The following TAF3 variants were observed in gnomAD, a reference collection of about 807,000 sequenced individuals.
TAF3 encodes the protein TATA-box binding protein associated factor 3.
TAF3 carries 7 observed loss-of-function variants against 80.6 expected under a neutral mutation model. That is an observed-to-expected ratio of 0.09 (90% CI 0.05 to 0.16). The LOEUF (loss-of-function observed/expected upper bound fraction) is 0.16. Among genes scored for constraint, TAF3 ranks in the 10% least tolerant of loss-of-function variants. TAF3 has a pLI of 1.00. For synonymous variants in TAF3, 444 were observed against 446.1 expected, an observed-to-expected ratio of 1.00 and a Z score of 0.06; for missense variants, 921 against 1,140.2, an observed-to-expected ratio of 0.81 and a Z score of 2.77.
chr10:7,820,931 C>T (rs763555155), intron 1 of TAF3, among the ~76,000 whole-genome samples: 1 of 152,148 alleles, frequency 6.6e-6, no homozygotes, highest in Non-Finnish European at 1.5e-5. Context: ...TTGAGTATAC[C>T]GTTAGTGATA....
chr10:7,879,299 C>T (rs1435800410), intron 2 of TAF3, among the ~76,000 whole-genome samples: 1 of 151,992 alleles, frequency 6.6e-6, no homozygotes. Flanking sequence ...TACAAACTTA[C>T]CTATGAAAGA....
At chr10:7,967,290 G>A (rs1014628937) in intron 3 of TAF3, among the ~76,000 whole-genome samples, 8 of 152,216 alleles carry the variant, frequency 5.3e-5, no homozygotes, top group African/African-American at 1.7e-4. Flanking sequence ...ACAGGGGACT[G>A]TTCCTGTCAC....
At chr10:7,994,050 C>A (rs755199184) in intron 4 of TAF3, among the ~76,000 whole-genome samples, 1 of 141,296 alleles carries the variant, frequency 7.1e-6, no homozygotes, top group Non-Finnish European at 1.5e-5. Flanking sequence ...TCTCTGCTCC[C>A]CCTACCCCTT....
intron 2 of TAF3, among the ~76,000 whole-genome samples, chr10:7,847,215 C>T (rs1045797702): frequency 1.3e-5 from 2 of 152,088 alleles, no homozygotes; most frequent in Non-Finnish European, 2.9e-5. Context: ...AAGAAAATTC[C>T]TCTAGGATGA....
chr10:7,991,161 A>G (rs1437218469), intron 4 of TAF3, among the ~76,000 whole-genome samples: 2 of 152,124 alleles, frequency 1.3e-5, no homozygotes, highest in Non-Finnish European at 2.9e-5. Context: ...TTATGTACAT[A>G]GATACATACA....
chr10:7,974,157 C>G (rs1588572782), intron 3 of TAF3, among the ~76,000 whole-genome samples: 1 of 151,640 alleles, frequency 6.6e-6, no homozygotes, highest in Non-Finnish European at 1.5e-5. Flanking sequence ...CACACACACA[C>G]ACACACACAC....
intron 4 of TAF3, among the ~76,000 whole-genome samples, chr10:7,982,095 G>A (rs1831732051): frequency 6.6e-6 from 1 of 152,112 alleles, no homozygotes; most frequent in East Asian, 1.9e-4. Flanking sequence ...AGTGAAGCTT[G>A]CAGTGGTATT....
At chr10:7,902,987 G>A (rs953189309) in intron 2 of TAF3, among the ~76,000 whole-genome samples, 6 of 152,034 alleles carry the variant, frequency 3.9e-5, no homozygotes, top group African/African-American at 9.7e-5. Flanking sequence ...TTGGGAAGCC[G>A]AGGTAGGAGG....
Position 7,953,570 on chromosome 10 carries a change from T to TAA in TAF3, c.410-10349_410-10348insAA, listed in dbSNP as rs545764680. Among the ~76,000 whole-genome samples, 581 of 152,332 alleles carry TAA rather than the reference T, an allele frequency of 3.8e-3. 1 individual carries two copies. Among genetic ancestry groups the TAA allele is most frequent in the African/African-American group, 0.013 (541 of 41,570 alleles). On this transcript the variant is annotated intron_variant, in intron 2 of 6. Coordinates refer to ENST00000344293, the MANE Select transcript of TAF3 (RefSeq NM_031923.4). Reference sequence around the variant, plus strand: ...AACCGATCCCAGGTGTCATTTCAGTTAGGTTCCCTGCCCAGCCAACATTTC... The same window carrying TAA: ...AACCGATCCCAGGTGTCATTTCAGTTAAAGGTTCCCTGCCCAGCCAACATTTC...
chr10:7,950,414 C>T (rs1838071243), intron 2 of TAF3, among the ~76,000 whole-genome samples: 1 of 152,136 alleles, frequency 6.6e-6, no homozygotes, highest in South Asian at 2.1e-4. Context: ...AAGTTCCTCA[C>T]GTGGCTAGTT....
At chr10:7,905,916 T>G (rs1474537644) in intron 2 of TAF3, among the ~76,000 whole-genome samples, 2 of 152,294 alleles carry the variant, frequency 1.3e-5, no homozygotes, top group Non-Finnish European at 2.9e-5. Flanking sequence ...TTCTGCTTTA[T>G]GTATTTGTAC....
intron 4 of TAF3, among the ~76,000 whole-genome samples, chr10:7,994,700 C>T (rs1364216868): frequency 1.3e-5 from 2 of 151,592 alleles, no homozygotes; most frequent in Non-Finnish European, 2.9e-5. Context: ...CACAGTGGCC[C>T]ACGCCTGTGA....
intron 3 of TAF3, among the ~76,000 whole-genome samples, chr10:7,967,331 T>C (rs1365973120): frequency 4.6e-5 from 7 of 152,122 alleles, no homozygotes; most frequent in Non-Finnish European, 1.0e-4. Context: ...GTCAGTGGAG[T>C]TGTTTCAACA....
chr10:7,935,924 C>T (rs140271884), intron 2 of TAF3, among the ~76,000 whole-genome samples: 264 of 152,158 alleles, frequency 1.7e-3, no homozygotes, highest in African/African-American at 6.0e-3. Context: ...ATGGGAAGCT[C>T]GGGGAAGCCC....
At chr10:7,896,227 C>A (rs1837503043) in intron 2 of TAF3, among the ~76,000 whole-genome samples, 1 of 152,196 alleles carries the variant, frequency 6.6e-6, no homozygotes. Context: ...AAAATAATAA[C>A]CCTTCTCTAT....
intron 2 of TAF3, among the ~76,000 whole-genome samples, chr10:7,952,652 G>C (rs1026372208): frequency 5.3e-5 from 8 of 152,170 alleles, no homozygotes; most frequent in African/African-American, 1.2e-4. Flanking sequence ...CAGAATGTTA[G>C]TGAAATAGTA....
intron 4 of TAF3, among the ~76,000 whole-genome samples, chr10:7,998,298 G>A (rs1360165504): frequency 6.8e-6 from 1 of 146,354 alleles, no homozygotes. Flanking sequence ...TTTAAAAGGG[G>A]TAATGTAATT....
chr10:7,993,030 A>G (rs1411928221), intron 4 of TAF3, among the ~76,000 whole-genome samples: 1 of 152,322 alleles, frequency 6.6e-6, no homozygotes, highest in African/African-American at 2.4e-5. Context: ...TTTCCTTGTT[A>G]CCATCTAATA....
rs747068876 is a variant in TAF3 at position 8,009,099 on chromosome 10, T to G, written c.2337T>G (p.Pro779=). Reference sequence around the variant, plus strand: ...ACAGTGTCATCAGCAAGGTGGTCCCTGCCCCCGAGGCCAAGCCGGCGCCCT... The same window carrying G: ...ACAGTGTCATCAGCAAGGTGGTCCCGGCCCCCGAGGCCAAGCCGGCGCCCT... ...QDKIVISKVV[P]APEAKPAPSQ... is the part of the protein sequence containing the mutation. Residue 779 remains proline, a synonymous_variant, in exon 5 of 7, where the codon CCT becomes CCG. Coordinates refer to ENST00000344293, the MANE Select transcript of TAF3 (RefSeq NM_031923.4). This position sits in a 1 kb window ranked among gnomAD's most constrained non-coding sequence, Gnocchi z 4.1. The G allele has an allele frequency of 6.2e-7, 1 of 1,601,072 alleles. No homozygotes were observed. The highest frequency in any genetic ancestry group is 8.5e-7 in the Non-Finnish European group (1 of 1,174,488).
Sources: gnomAD v4.1 joint callset for allele counts (sites outside exome capture counted in the v4.1 genomes callset) on GRCh38, gnomAD v4.1.1 for gene constraint, Gnocchi (gnomAD v3.1) non-coding constraint, MANE v1.5 for transcripts, NCBI Gene and HGNC (gene_info 2026-07-23, HGNC 2026-07-21) for gene names.